The following THOC2 variants were observed in gnomAD, a reference collection of about 807,000 sequenced individuals.
THOC2 encodes THO complex 2.
THOC2 carries 10 observed loss-of-function variants against 128.4 expected under a neutral mutation model. The observed-to-expected ratio is 0.08, with a 90% CI of 0.05 to 0.13. THOC2 has a LOEUF of 0.13. Among genes scored for constraint, THOC2 ranks in the 10% least tolerant of loss-of-function variants. The pLI, the probability that THOC2 is intolerant of heterozygous loss-of-function variation, is 1.00. For missense variants in THOC2, 535 were observed against 1,155.7 expected, an observed-to-expected ratio of 0.46 and a Z score of 7.79; for synonymous variants, 393 against 396.9, an observed-to-expected ratio of 0.99 and a Z score of 0.12.
chrX:123,684,969 C>T (rs749140845), intron 8 of THOC2, among the ~76,000 whole-genome samples: 46 of 112,503 alleles, frequency 4.1e-4, no homozygotes, highest in Middle Eastern at 4.6e-3. Context: ...GCCTAGCAAA[C>T]AGCATAATCA....
rs1352000300 is a variant in THOC2, at chrX:123,606,626, T to TGA, written c.*18+4291_*18+4292insTC. 5.4e-5 allele frequency among the ~76,000 whole-genome samples: 6 copies of TGA among 111,120 alleles called. No individual in the cohort carries two copies. In the East Asian group the frequency reaches 1.7e-3, roughly 31 times the overall value. ...AAATGAAATGAAATGAAATGAAAAA[T>TGA]AAAATAAAGTACATTTAACATCCCA... On this transcript the variant is annotated intron_variant, in intron 38 of 38. Coordinates refer to ENST00000245838, the MANE Select transcript of THOC2 (RefSeq NM_001081550.2).
At position 123,665,796 on chromosome X, in the gene THOC2, G is replaced by C. The variant is rs768732385; in HGVS notation, c.1232C>G (p.Ala411Gly). The change falls in exon 12 of 39, where the codon GCT becomes GGT. Residue 411 changes from alanine (A) to glycine (G), a missense_variant. By Grantham distance (60) the Ala-to-Gly change is moderately conservative. Coordinates refer to ENST00000245838, the MANE Select transcript of THOC2 (RefSeq NM_001081550.2). ...TTTTGGTGCTCTCTTGTTTTGCAAA[G>C]CATTAACAGGTGAGCCTTTAGCACC... is the stretch of plus-strand genomic sequence containing the variant. ...PKGAKGSPVN[A>G]LQNKRAPKQA... 8.4e-7 allele frequency: 1 copy of C among 1,185,185 alleles called. No individual in the cohort carries two copies. The highest frequency in any genetic ancestry group is 3.0e-5 in the East Asian group (1 of 33,423).
At chrX:123,659,746 T>C (rs1264812544) in intron 12 of THOC2, among the ~76,000 whole-genome samples, 7 of 112,361 alleles carry the variant, frequency 6.2e-5, no homozygotes, top group African/African-American at 2.3e-4. Flanking sequence ...GATAATTCTG[T>C]TAAGTGATAT....
chrX:123,629,206 AAC>A (rs754562050), intron 22 of THOC2, among the ~76,000 whole-genome samples: 3,984 of 81,874 alleles, frequency 0.049, 188 homozygotes, highest in African/African-American at 0.13. Context: ...ATTATACATG[AAC>A]ACACACACAC....
intron 15 of THOC2, among the ~76,000 whole-genome samples, chrX:123,644,142 A>G (rs2048034698): frequency 8.9e-6 from 1 of 112,470 alleles, no homozygotes; most frequent in Non-Finnish European, 1.9e-5. Flanking sequence ...CTCCCTATGG[A>G]GATAGTTCTG....
intron 8 of THOC2, among the ~76,000 whole-genome samples, chrX:123,674,415 AT>A (rs1448103318): frequency 4.5e-5 from 5 of 112,107 alleles, no homozygotes; most frequent in African/African-American, 1.6e-4. Context: ...TGCACAGAAT[AT>A]GTTTCCATAC....
chrX:123,603,537 G>A, intron 38 of THOC2: 1 of 877,061 alleles, frequency 1.1e-6, no homozygotes, highest in Non-Finnish European at 1.7e-6. Flanking sequence ...GAAACTGCCT[G>A]GAGGTGAAAA....
chrX:123,618,430 C>T (rs2046971311), intron 33 of THOC2, among the ~76,000 whole-genome samples: 1 of 111,846 alleles, frequency 8.9e-6, no homozygotes, highest in South Asian at 3.7e-4. Context: ...GCCTTATTTG[C>T]CCAATATCCA....
At chrX:123,657,596 T>A (rs2048651043) in intron 12 of THOC2, among the ~76,000 whole-genome samples, 1 of 110,038 alleles carries the variant, frequency 9.1e-6, no homozygotes, top group Admixed American at 9.8e-5. Flanking sequence ...ACATTTCTCC[T>A]TAGAAACTAT....
At chrX:123,670,648 T>C (rs1205675749) in intron 9 of THOC2, among the ~76,000 whole-genome samples, 3 of 112,088 alleles carry the variant, frequency 2.7e-5, no homozygotes, top group African/African-American at 9.7e-5. Context: ...CCTGCCTTTA[T>C]ACTCAGTTAA....
intron 38 of THOC2, among the ~76,000 whole-genome samples, chrX:123,608,116 A>G (rs966350567): frequency 9.0e-6 from 1 of 111,254 alleles, no homozygotes; most frequent in Non-Finnish European, 1.9e-5. Flanking sequence ...AAAATAAACT[A>G]TCGGCCAGGT....
chrX:123,653,110 A>G (rs935946674), intron 12 of THOC2, among the ~76,000 whole-genome samples: 5 of 111,840 alleles, frequency 4.5e-5, no homozygotes, highest in African/African-American at 1.6e-4. Flanking sequence ...AGCCTCAGAA[A>G]TAACACCACA....
In THOC2 at chrX:123,733,037, T is replaced by G; in HGVS notation, c.-15A>C. 3 of 1,207,008 alleles carry G rather than the reference T, an allele frequency of 2.5e-6. No homozygotes were observed. The highest frequency in any genetic ancestry group is 1.8e-5 in the South Asian group (1 of 56,880). ...GCGGCCGCCATCTTCCTCTCACTAG[T>G]AGCAGAAGCCCGGATGTGTAGCACG... On this transcript the variant is annotated 5_prime_UTR_variant, in exon 1 of 39. Transcript: ENST00000245838.
chrX:123,662,108 A>G (rs2048856299), intron 12 of THOC2, among the ~76,000 whole-genome samples: 1 of 112,560 alleles, frequency 8.9e-6, no homozygotes, highest in Non-Finnish European at 1.9e-5. Flanking sequence ...GCTGTTGTCT[A>G]AAATTCAAAT....
chrX:123,648,157 C>T (rs773094054), intron 12 of THOC2, among the ~76,000 whole-genome samples: 5 of 111,433 alleles, frequency 4.5e-5, no homozygotes, highest in African/African-American at 1.3e-4. Context: ...CCACAGAGGG[C>T]GAGCCAAAGC....
rs142645853 is a variant in THOC2 at position 123,721,015 on chromosome X, T to C, written c.72-8107A>G. On this transcript the variant is annotated intron_variant, in intron 1 of 38. Coordinates refer to ENST00000245838, the MANE Select transcript of THOC2 (RefSeq NM_001081550.2). The stretch of plus-strand genomic sequence containing the variant: ...AACATTGTACTTATAGTTGACAATA[T>C]TGTACTGCTCACTTAAAATTTGCTA... Among the ~76,000 whole-genome samples, 1,050 of 111,677 alleles carry C rather than the reference T, an allele frequency of 9.4e-3. 8 individuals are homozygous for C. The highest frequency in any genetic ancestry group is 0.031 in the African/African-American group (945 of 30,761).
At chrX:123,706,726 A>C (rs1309091346) in intron 3 of THOC2, 132 bp downstream of exon 3, 17 of 318,710 alleles carry the variant, frequency 5.3e-5, no homozygotes, top group South Asian at 1.7e-4. Context: ...AAAGTTAAAA[A>C]AATAAAATTT....
chrX:123,720,145 C>CA (rs1256799565), intron 1 of THOC2, among the ~76,000 whole-genome samples: 30 of 106,204 alleles, frequency 2.8e-4, no homozygotes, highest in African/African-American at 6.5e-4. Context: ...GACCTTGTCT[C>CA]AAAAAAAAGA....
intron 15 of THOC2, 52 bp downstream of exon 15, chrX:123,644,523 T>C (rs750923771): frequency 9.7e-6 from 9 of 927,666 alleles, no homozygotes; most frequent in Non-Finnish European, 1.3e-5. Context: ...AAAGAAAGTA[T>C]ATTAGATTCA....
Sources: allele counts gnomAD v4.1 joint callset (sites outside exome capture counted in the v4.1 genomes callset), GRCh38; gene constraint gnomAD v4.1.1; transcripts MANE v1.5; gene names NCBI Gene and HGNC (gene_info 2026-07-23, HGNC 2026-07-21).